NDST3: variants seen among roughly 807,000 people sequenced by gnomAD.
The protein encoded by NDST3 is bifunctional heparan sulfate N-deacetylase/N-sulfotransferase 3.
NDST3 carries 58 observed loss-of-function variants against 96.1 expected under a neutral mutation model. That is an observed-to-expected ratio of 0.60 (90% confidence interval 0.49 to 0.75). The LOEUF (loss-of-function observed/expected upper bound fraction) is 0.75, where lower values mean the gene tolerates loss of function less well. Among genes scored for constraint, NDST3 ranks in the 30% least tolerant of loss-of-function variants. The probability of loss-of-function intolerance (pLI) is 0.00; values close to 1 mark genes in which losing one functional copy is unlikely to be tolerated. For missense variants in NDST3, 788 were observed against 1,034.2 expected (o/e 0.76, Z 3.27); for synonymous variants, 333 against 359.7 (o/e 0.93, Z 0.84).
intron 2 of NDST3, among the ~76,000 whole-genome samples, chr4:118,072,223 T>A (rs919181805): frequency 6.6e-6 from 1 of 152,098 alleles, no homozygotes; most frequent in African/African-American, 2.4e-5. Context: ...CACTTTTTTT[T>A]GTTTCATATG....
intron 2 of NDST3, among the ~76,000 whole-genome samples, chr4:118,076,241 T>C (rs1469467059): frequency 6.6e-6 from 1 of 152,184 alleles, no homozygotes; most frequent in African/African-American, 2.4e-5. Context: ...TTTTCTTTCA[T>C]GTCAACTTTG....
chr4:118,129,178 A>G (rs6822408), intron 4 of NDST3, among the ~76,000 whole-genome samples: 27,809 of 151,230 alleles, frequency 0.18, 2,690 homozygotes, highest in South Asian at 0.23. Context: ...CTTCATTTCA[A>G]TTTCGTTTAC....
At chr4:118,089,055 A>G (rs28634983) in intron 2 of NDST3, among the ~76,000 whole-genome samples, 14,088 of 152,020 alleles carry the variant, frequency 0.093, 783 homozygotes, top group African/African-American at 0.15. Flanking sequence ...AAAGGAACAC[A>G]TTCTAAAGTA....
At chr4:118,192,061 C>T (rs988581807) in intron 6 of NDST3, among the ~76,000 whole-genome samples, 1 of 152,162 alleles carries the variant, frequency 6.6e-6, no homozygotes, top group Non-Finnish European at 1.5e-5. Flanking sequence ...TTTTCATATG[C>T]CTATTTGCTG....
At chr4:118,224,780 G>T in intron 7 of NDST3, 107 bp downstream of exon 7, 1 of 967,558 alleles carries the variant, frequency 1.0e-6, no homozygotes, top group Non-Finnish European at 1.5e-6. Flanking sequence ...CTGCATTTTG[G>T]AAATGTTAGT....
chr4:118,114,529 T>G (rs1730896685), intron 3 of NDST3, among the ~76,000 whole-genome samples: 1 of 152,154 alleles, frequency 6.6e-6, no homozygotes, highest in Non-Finnish European at 1.5e-5. Flanking sequence ...AAGTTAAGAG[T>G]TCTAATATCC....
At chr4:118,221,257 T>C (rs912052360) in intron 6 of NDST3, among the ~76,000 whole-genome samples, 5 of 152,078 alleles carry the variant, frequency 3.3e-5, no homozygotes, top group African/African-American at 1.2e-4. Context: ...TCTGACTCTT[T>C]TCATGAACAA....
chr4:118,048,228 G>A (rs1226055699), intron 1 of NDST3, among the ~76,000 whole-genome samples: 1 of 152,042 alleles, frequency 6.6e-6, no homozygotes, highest in Non-Finnish European at 1.5e-5. Flanking sequence ...TTCTTAGGGA[G>A]TGCTGAACAT....
chr4:118,092,203 C>T (rs1248967492), intron 2 of NDST3, among the ~76,000 whole-genome samples: 1 of 145,422 alleles, frequency 6.9e-6, no homozygotes, highest in East Asian at 2.0e-4. Flanking sequence ...CTAATGCTAT[C>T]CCTAAGGTAG....
intron 6 of NDST3, among the ~76,000 whole-genome samples, chr4:118,172,073 G>T (rs1486882206): frequency 6.6e-6 from 1 of 152,134 alleles, no homozygotes; most frequent in Non-Finnish European, 1.5e-5. Context: ...ATAAATCAAG[G>T]TTTCAAAAAG....
Position 118,224,662 on chromosome 4 carries a change from CCT to C in NDST3, c.1716_1717del (p.Trp573AlafsTer6), listed in dbSNP as rs746898431. 3.8e-6 allele frequency: 6 copies of C among 1,589,004 alleles called. No individual in the cohort carries two copies. The highest frequency in any genetic ancestry group is 3.4e-6 in the Non-Finnish European group (4 of 1,168,012). On this transcript the variant is annotated frameshift_variant, in exon 7 of 14. Transcript: ENST00000296499. LOFTEE classifies it high-confidence loss of function. ...YFELFPDQKD[P>X]LWQNPCDDKR... is the part of the protein sequence containing the mutation. Reference sequence around the variant, plus strand: ...TGAGCTGTTTCCTGATCAGAAAGACCCTCTCTGGCAGGTAAAATTAATTAAAT... The same window carrying C: ...TGAGCTGTTTCCTGATCAGAAAGACCCTCTGGCAGGTAAAATTAATTAAAT...
At chr4:118,206,535 G>T (rs1261074465) in intron 6 of NDST3, among the ~76,000 whole-genome samples, 1 of 144,648 alleles carries the variant, frequency 6.9e-6, no homozygotes, top group Non-Finnish European at 1.5e-5. Flanking sequence ...ACTCAAGAAT[G>T]AATATAGGCC....
At chr4:118,118,728 C>G (rs1731310867) in intron 4 of NDST3, among the ~76,000 whole-genome samples, 1 of 151,978 alleles carries the variant, frequency 6.6e-6, no homozygotes, top group Non-Finnish European at 1.5e-5. Context: ...GGTTAAACTG[C>G]AATTTCAACA....
chr4:118,179,614 G>C (rs1158368289), intron 6 of NDST3, among the ~76,000 whole-genome samples: 1 of 151,862 alleles, frequency 6.6e-6, no homozygotes, highest in African/African-American at 2.4e-5. Context: ...ACCTATTATT[G>C]TGTTTAATAT....
chr4:118,155,737 A>G (rs2125919658), intron 6 of NDST3, among the ~76,000 whole-genome samples: 1 of 152,304 alleles, frequency 6.6e-6, no homozygotes, highest in South Asian at 2.1e-4. Context: ...TCAGTTTCCA[A>G]GAACCTACCA....
At chr4:118,209,466 G>A (rs925860979) in intron 6 of NDST3, among the ~76,000 whole-genome samples, 6 of 152,148 alleles carry the variant, frequency 3.9e-5, no homozygotes, top group Non-Finnish European at 7.4e-5. Flanking sequence ...AACTGGAGAT[G>A]TTCTCATGAC....
intron 6 of NDST3, among the ~76,000 whole-genome samples, chr4:118,198,727 T>TAA (rs35524586): frequency 6.7e-6 from 1 of 150,256 alleles, no homozygotes; most frequent in African/African-American, 2.4e-5. Flanking sequence ...GCATTTCTTG[T>TAA]AAAAAAAAAA....
intron 1 of NDST3, among the ~76,000 whole-genome samples, chr4:118,052,548 A>T (rs1725140607): frequency 6.6e-6 from 1 of 151,506 alleles, no homozygotes; most frequent in African/African-American, 2.4e-5. Flanking sequence ...GAATTTTTTT[A>T]AAAGGAAAAG....
intron 8 of NDST3, among the ~76,000 whole-genome samples, chr4:118,230,212 GTTAT>G (rs1740175636): frequency 6.6e-6 from 1 of 152,114 alleles, no homozygotes; most frequent in Admixed American, 6.5e-5. Context: ...TTGCTTCATA[GTTAT>G]TCTAAGTCAG....
Sources: gnomAD v4.1 joint callset for allele counts (sites outside exome capture counted in the v4.1 genomes callset) on GRCh38, gnomAD v4.1.1 for gene constraint, MANE v1.5 for transcripts, NCBI Gene and HGNC (gene_info 2026-07-23, HGNC 2026-07-21) for gene names.